FMNL2: variants seen among roughly 807,000 people sequenced by gnomAD.
FMNL2 encodes the protein formin-like protein 2.
A neutral mutation model predicts 130.2 loss-of-function variants in FMNL2; 51 were observed. That is an observed-to-expected ratio of 0.39 (90% CI 0.31 to 0.49). The LOEUF (loss-of-function observed/expected upper bound fraction) is 0.49. Among genes scored for constraint, FMNL2 ranks in the 20% least tolerant of loss-of-function variants. The pLI is 0.85. For synonymous variants in FMNL2, 465 were observed against 467.1 expected (o/e 1.00, Z 0.06); for missense variants, 977 against 1,316.2 (o/e 0.74, Z 3.99).
At chr2:152,520,803 G>T (rs576059678) in intron 1 of FMNL2, among the ~76,000 whole-genome samples, 13 of 152,192 alleles carry the variant, frequency 8.5e-5, no homozygotes, top group African/African-American at 2.4e-4. Context: ...CTTTGCCTCT[G>T]TTAAACTTGT....
intron 1 of FMNL2, among the ~76,000 whole-genome samples, chr2:152,353,385 A>G (rs1033069791): frequency 6.6e-6 from 1 of 152,208 alleles, no homozygotes; most frequent in Non-Finnish European, 1.5e-5. Flanking sequence ...AAGTATTAAT[A>G]CCAGGATCAG....
At chr2:152,437,905 G>C (rs146434401) in intron 1 of FMNL2, among the ~76,000 whole-genome samples, 1 of 152,184 alleles carries the variant, frequency 6.6e-6, no homozygotes, top group African/African-American at 2.4e-5. Flanking sequence ...ACTCACATCT[G>C]TTGTAAAAGG....
At chr2:152,605,610 C>T (rs1202997819) in intron 9 of FMNL2, among the ~76,000 whole-genome samples, 2 of 152,164 alleles carry the variant, frequency 1.3e-5, no homozygotes, top group African/African-American at 4.8e-5. Flanking sequence ...CAGGTGTGAG[C>T]CACCATGTTA....
intron 1 of FMNL2, among the ~76,000 whole-genome samples, chr2:152,380,560 C>T (rs957899542): frequency 4.6e-5 from 7 of 152,178 alleles, no homozygotes; most frequent in African/African-American, 1.4e-4. Context: ...TCTGGGTTCT[C>T]CCACCTCTGC....
chr2:152,554,671 A>G (rs768514624), intron 4 of FMNL2, among the ~76,000 whole-genome samples: 5 of 152,206 alleles, frequency 3.3e-5, no homozygotes, highest in Non-Finnish European at 7.3e-5. Flanking sequence ...CCAGAATTCT[A>G]GTTTTTGTTT....
chr2:152,440,114 GT>G (rs1464796350), intron 1 of FMNL2, among the ~76,000 whole-genome samples: 1 of 151,932 alleles, frequency 6.6e-6, no homozygotes, highest in Non-Finnish European at 1.5e-5. Flanking sequence ...TTTACTGCAT[GT>G]TTATTATTAT....
chr2:152,410,623 G>T (rs1411888085), intron 1 of FMNL2, among the ~76,000 whole-genome samples: 1 of 152,138 alleles, frequency 6.6e-6, no homozygotes, highest in Non-Finnish European at 1.5e-5. Context: ...TTCAATAGTG[G>T]GCCAGTCAAG....
At chr2:152,490,857 G>A (rs944456556) in intron 1 of FMNL2, among the ~76,000 whole-genome samples, 7 of 152,102 alleles carry the variant, frequency 4.6e-5, no homozygotes, top group African/African-American at 1.7e-4. Context: ...AAAGGCAAAT[G>A]TGTTGTGTAG....
At position 152,563,071 on chromosome 2, in the gene FMNL2, C is replaced by A. The variant is rs79032836; in HGVS notation, c.596+2036C>A. On this transcript the variant is annotated intron_variant, in intron 6 of 25. Coordinates refer to ENST00000288670, the MANE Select transcript of FMNL2 (RefSeq NM_052905.4). ...TCCCAGGTTCAGGGAGGGATGTAAC[C>A]CTGGATGCTGGAGGTCGAGGGACAT... 0.018 allele frequency among the ~76,000 whole-genome samples: 2,746 copies of A among 152,160 alleles called. 127 individuals are homozygous for A. The East Asian group carries it at 0.19, about 10-fold the overall frequency.
At chr2:152,561,347 C>T (rs1428217063) in intron 6 of FMNL2, among the ~76,000 whole-genome samples, 2 of 152,078 alleles carry the variant, frequency 1.3e-5, no homozygotes, top group African/African-American at 2.4e-5. Flanking sequence ...ATGTTGACAT[C>T]CTGATGGAGG....
chr2:152,356,147 A>T (rs1682766835), intron 1 of FMNL2, among the ~76,000 whole-genome samples: 1 of 152,026 alleles, frequency 6.6e-6, no homozygotes, highest in Non-Finnish European at 1.5e-5. Context: ...TATTTTGTTT[A>T]TTTTTTTGAG....
intron 1 of FMNL2, among the ~76,000 whole-genome samples, chr2:152,521,674 G>A (rs1226564710): frequency 6.6e-6 from 1 of 152,154 alleles, no homozygotes; most frequent in Non-Finnish European, 1.5e-5. Flanking sequence ...AAAGCGACAA[G>A]GCATCACCTT....
intron 1 of FMNL2, chr2:152,390,435 A>G: frequency 8.2e-7 from 1 of 1,222,816 alleles, no homozygotes; most frequent in South Asian, 1.2e-5. Flanking sequence ...TAAGATCAAT[A>G]CCAAGATGAT....
At chr2:152,461,888 A>C (rs1035084727) in intron 1 of FMNL2, among the ~76,000 whole-genome samples, 1 of 151,522 alleles carries the variant, frequency 6.6e-6, no homozygotes, top group Non-Finnish European at 1.5e-5. Context: ...CTAGCCCTAC[A>C]TAGCTTTTTT....
chr2:152,504,258 C>CTT (rs527725556), intron 1 of FMNL2, among the ~76,000 whole-genome samples: 2 of 145,340 alleles, frequency 1.4e-5, no homozygotes, highest in Admixed American at 6.8e-5. Flanking sequence ...TGCAGGGAGG[C>CTT]TTTTTTTTTT....
intron 1 of FMNL2, among the ~76,000 whole-genome samples, chr2:152,360,431 T>C (rs1683096042): frequency 6.6e-6 from 1 of 152,084 alleles, no homozygotes; most frequent in African/African-American, 2.4e-5. Flanking sequence ...TCCTGGCTTA[T>C]GTGGTCTTCC....
chr2:152,355,167 T>C (rs1560291527), intron 1 of FMNL2, among the ~76,000 whole-genome samples: 1 of 152,216 alleles, frequency 6.6e-6, no homozygotes, highest in Non-Finnish European at 1.5e-5. Flanking sequence ...ACAATGCTGG[T>C]ATTTTTGGCG....
chr2:152,642,430 T>TA (rs1251331559), intron 25 of FMNL2, among the ~76,000 whole-genome samples: 3 of 151,226 alleles, frequency 2.0e-5, no homozygotes, highest in Non-Finnish European at 4.4e-5. Context: ...GTGTAGGTCT[T>TA]AGATAGTAAG....
At chr2:152,482,428 A>G (rs1690575968) in intron 1 of FMNL2, among the ~76,000 whole-genome samples, 1 of 152,162 alleles carries the variant, frequency 6.6e-6, no homozygotes. Flanking sequence ...CTAGTATATT[A>G]CTCATAATAG....
Sources: gnomAD v4.1 joint callset for allele counts (sites outside exome capture counted in the v4.1 genomes callset) on GRCh38, gnomAD v4.1.1 for gene constraint, MANE v1.5 for transcripts, NCBI Gene and HGNC (gene_info 2026-07-23, HGNC 2026-07-21) for gene names.